The following TBC1D20 variants were observed in gnomAD, a reference collection of about 807,000 sequenced individuals.
TBC1D20 encodes TBC1 domain family member 20, also known as chromosome 20 open reading frame 140.
In TBC1D20, 12 loss-of-function variants were observed where a neutral mutation model predicts 41.6. That is an observed-to-expected ratio of 0.29 (90% CI 0.18 to 0.47). The LOEUF is 0.47. TBC1D20 is among the 20% of genes least tolerant of loss of function. The pLI is 1.00. For missense variants in TBC1D20, 421 were observed against 517.4 expected, an observed-to-expected ratio of 0.81 and a Z score of 1.81; for synonymous variants, 205 against 204.8, an observed-to-expected ratio of 1.00 and a Z score of -0.01.
chr20:445,461 G>C (rs1018868481), intron 2 of TBC1D20, among the ~76,000 whole-genome samples: 3 of 152,144 alleles, frequency 2.0e-5, no homozygotes, highest in African/African-American at 7.2e-5. Flanking sequence ...GAATTTCAAA[G>C]TCCACAGCTA....
In TBC1D20 at chr20:445,146, G is replaced by T. The variant is rs769555219; in HGVS notation, c.257-16C>A. 1.3e-6 allele frequency: 2 copies of T among 1,571,934 alleles called. No individual in the cohort carries two copies. Among genetic ancestry groups the T allele is most frequent in the Non-Finnish European group, 1.7e-6 (2 of 1,152,776 alleles). On this transcript the variant is annotated splice_polypyrimidine_tract_variant and intron_variant, in intron 2 of 7. Transcript: ENST00000354200. ...AGGTTCTTCCCTATTGAAGGAAAAG[G>T]CACGTTATTGCAGGAATGCCTGAGA...
At chr20:460,242 A>C (rs1184926784) in intron 1 of TBC1D20, among the ~76,000 whole-genome samples, 1 of 152,128 alleles carries the variant, frequency 6.6e-6, no homozygotes, top group Non-Finnish European at 1.5e-5. Flanking sequence ...AGGGAGACAG[A>C]CATACCCCTA....
chr20:441,909 C>T lies in TBC1D20; in HGVS notation c.472G>A (p.Gly158Ser). Reference protein sequence around the residue: ...DIVVTFLLVVGERLATSLVEK... With the variant: ...DIVVTFLLVVSERLATSLVEK... ...ACCAGGGATGTTGCCAGCCTCTCGC[C>T]TACCACCAGCAGAAATGTGACCACA... is the stretch of plus-strand genomic sequence containing the variant. Residue 158 changes from glycine (G) to serine (S), a missense_variant, in exon 4 of 8, where the codon GGC becomes AGC. Around this residue, in one of 3 missense-constraint regions of TBC1D20, gnomAD observed 110 missense variants for 183.5 expected, o/e 0.60. Coordinates refer to ENST00000354200, the MANE Select transcript of TBC1D20 (RefSeq NM_144628.4). 6.2e-7 allele frequency: 1 copy of T among 1,614,132 alleles called. No individual in the cohort carries two copies. Among genetic ancestry groups the T allele is most frequent in the Non-Finnish European group, 8.5e-7 (1 of 1,180,026 alleles).
At chr20:451,038 C>A (rs565118081) in intron 1 of TBC1D20, among the ~76,000 whole-genome samples, 1 of 152,238 alleles carries the variant, frequency 6.6e-6, no homozygotes, top group East Asian at 1.9e-4. Flanking sequence ...AAATGTTACA[C>A]AAGACAACAC....
chr20:444,981 A>AG, intron 3 of TBC1D20, 69 bp downstream of exon 3: 1 of 1,402,742 alleles, frequency 7.1e-7, no homozygotes, highest in East Asian at 2.5e-5. Context: ...CCAGCATATT[A>AG]GGTCACATGG....
At chr20:455,137 C>G (rs1330748178) in intron 1 of TBC1D20, among the ~76,000 whole-genome samples, 1 of 152,148 alleles carries the variant, frequency 6.6e-6, no homozygotes, top group Non-Finnish European at 1.5e-5. Context: ...CTCGGTAAAC[C>G]TGTCCTCCTG....
At chr20:450,077 T>C (rs760760698) in intron 1 of TBC1D20, among the ~76,000 whole-genome samples, 1 of 152,014 alleles carries the variant, frequency 6.6e-6, no homozygotes, top group Non-Finnish European at 1.5e-5. Flanking sequence ...CGATACTACA[T>C]TGAAAACATA....
chr20:455,353 C>T (rs1448946556), intron 1 of TBC1D20, among the ~76,000 whole-genome samples: 1 of 152,182 alleles, frequency 6.6e-6, no homozygotes, highest in African/African-American at 2.4e-5. Flanking sequence ...CCCTTCTGGG[C>T]ACACCTATAA....
chr20:438,284 A>G lies in TBC1D20; in HGVS notation c.*302T>C. On this transcript the variant is annotated 3_prime_UTR_variant, in exon 8 of 8. Coordinates refer to ENST00000354200, the MANE Select transcript of TBC1D20 (RefSeq NM_144628.4). ...GGCAGCCCAGGCCCAGCAGGTTGCA[A>G]AAGCAGCTGCAAGCTTCAGAAACCC... 5.2e-6 allele frequency: 2 copies of G among 381,742 alleles called. No homozygotes were observed. Among genetic ancestry groups the G allele is most frequent in the Non-Finnish European group, 9.6e-6 (2 of 209,240 alleles). The allele number at this position is 381,742 out of a possible 1,614,324, so 23.6% of individuals were successfully genotyped here. A position where few individuals can be genotyped will look rare whatever the true frequency, so the allele number is the denominator to read the frequency against.
At chr20:462,299 C>A in intron 1 of TBC1D20, 37 bp downstream of exon 1, 2 of 1,260,612 alleles carry the variant, frequency 1.6e-6, no homozygotes, top group Non-Finnish European at 2.0e-6. Flanking sequence ...GGGCCGCCCT[C>A]GCAGGCCGCT....
intron 1 of TBC1D20, among the ~76,000 whole-genome samples, chr20:452,249 G>A (rs2017457681): frequency 6.6e-6 from 1 of 152,200 alleles, no homozygotes; most frequent in Non-Finnish European, 1.5e-5. Context: ...AGAGGCTGGA[G>A]TGAGCCAAGA....
chr20:454,255 C>T (rs1324331508), intron 1 of TBC1D20, among the ~76,000 whole-genome samples: 1 of 138,188 alleles, frequency 7.2e-6, no homozygotes, highest in East Asian at 2.0e-4. Context: ...AAAAAAAAGG[C>T]AGAAAGAACA....
chr20:457,977 C>T (rs1202803434), intron 1 of TBC1D20, among the ~76,000 whole-genome samples: 2 of 152,180 alleles, frequency 1.3e-5, no homozygotes, highest in African/African-American at 4.8e-5. Context: ...TACCCCTGCA[C>T]TTTCCACACA....
At chr20:442,506 G>T (rs935937518) in intron 3 of TBC1D20, among the ~76,000 whole-genome samples, 8 of 152,212 alleles carry the variant, frequency 5.3e-5, no homozygotes, top group African/African-American at 1.7e-4. Context: ...AATGGCTAAA[G>T]ATATAGGACA....
At position 445,033 on chromosome 20, in the gene TBC1D20, C is replaced by A. The variant is rs2122394449; in HGVS notation, c.337+17G>T. The A allele has an allele frequency of 6.3e-7, 1 of 1,593,614 alleles. No individual in the cohort carries two copies. Among genetic ancestry groups the A allele is most frequent in the Non-Finnish European group, 8.6e-7 (1 of 1,167,172 alleles). ...TACAGTCTTTCCAAATGTGGCAGGA[C>A]CGGGAGAGCTTCTCACCAGGAGGGA... On this transcript the variant is annotated intron_variant, in intron 3 of 7. Coordinates refer to ENST00000354200, the MANE Select transcript of TBC1D20 (RefSeq NM_144628.4).
chr20:457,397 T>A (rs1016259398), intron 1 of TBC1D20, among the ~76,000 whole-genome samples: 16 of 152,112 alleles, frequency 1.1e-4, no homozygotes, highest in South Asian at 2.1e-4. Flanking sequence ...TTTAAAAAAA[T>A]TTTTTGTAGA....
Position 447,937 on chromosome 20 carries a change from A to T in TBC1D20, c.208T>A (p.Trp70Arg). 1 of 1,613,956 alleles carries T rather than the reference A, an allele frequency of 6.2e-7. No homozygotes were observed. Among genetic ancestry groups the T allele is most frequent in the Non-Finnish European group, 8.5e-7 (1 of 1,179,928 alleles). Residue 70 changes from tryptophan to arginine, a missense_variant, in exon 2 of 8, where the codon TGG becomes AGG. Around this residue, in one of 3 missense-constraint regions of TBC1D20, gnomAD observed 150 missense variants for 151.3 expected, o/e 0.99. Coordinates refer to ENST00000354200, the MANE Select transcript of TBC1D20 (RefSeq NM_144628.4). ...LLTDEIRRKV[W>R]PKLLNVNAND... ...GCATTGACATTGAGGAGCTTGGGCC[A>T]CACTTTTCGTCTGATCTCATCAGTC...
At position 439,324 on chromosome 20, in the gene TBC1D20, C is replaced by A; in HGVS notation, c.769-29G>T. On this transcript the variant is annotated intron_variant, in intron 6 of 7. Coordinates refer to ENST00000354200, the MANE Select transcript of TBC1D20 (RefSeq NM_144628.4). This position sits in a 1 kb window ranked among gnomAD's most constrained non-coding sequence, Gnocchi z 4.6. The stretch of plus-strand genomic sequence containing the variant: ...TGGGGAGGTAGTAAAGCCTTGCAGT[C>A]AGAGGCCAGACACACAGGGCCTGGG... 1 of 1,565,640 alleles carries A rather than the reference C, an allele frequency of 6.4e-7. No homozygotes were observed. Among genetic ancestry groups the A allele is most frequent in the South Asian group, 1.2e-5 (1 of 83,772 alleles).
chr20:447,878 A>C lies in TBC1D20; in HGVS notation c.256+11T>G, dbSNP rs750103260. 6.3e-7 allele frequency: 1 copy of C among 1,589,936 alleles called. No individual in the cohort carries two copies. Among genetic ancestry groups the C allele is most frequent in the Non-Finnish European group, 8.6e-7 (1 of 1,164,730 alleles). ...ATAAGCTCCCCTCACAGCCTCCCCC[A>C]CTCCCCTTACCTGATATAGGAGGTG... On this transcript the variant is annotated intron_variant, in intron 2 of 7. Transcript: ENST00000354200.
Sources: allele counts gnomAD v4.1 joint callset (sites outside exome capture counted in the v4.1 genomes callset), GRCh38; gene constraint gnomAD v4.1.1; regional missense constraint gnomAD v4.1.1; non-coding constraint Gnocchi (gnomAD v3.1); transcripts MANE v1.5; gene names NCBI Gene and HGNC (gene_info 2026-07-23, HGNC 2026-07-21).